The following TEX2 variants were observed in gnomAD, a reference collection of about 807,000 sequenced individuals.
TEX2 encodes testis-expressed protein 2.
TEX2 carries 53 observed loss-of-function variants against 106.9 expected under a neutral mutation model. The ratio of observed to expected loss-of-function variants is 0.50; its 90% CI spans 0.40 to 0.62. TEX2 has a LOEUF of 0.62. Among genes scored for constraint, TEX2 ranks in the 20% least tolerant of loss-of-function variants. TEX2 has a pLI of 0.00. For missense variants in TEX2, 1,207 were observed against 1,379.0 expected (o/e 0.88, Z 1.98); for synonymous variants, 523 against 534.8 (o/e 0.98, Z 0.30).
At chr17:64,254,943 C>A (rs1369988878) in intron 1 of TEX2, among the ~76,000 whole-genome samples, 4 of 151,902 alleles carry the variant, frequency 2.6e-5, no homozygotes, top group Non-Finnish European at 5.9e-5. Flanking sequence ...CTCACAGCAG[C>A]CTTGAATTCC....
rs370911583 is a variant in TEX2 at position 64,153,936 on chromosome 17, A to AAAAC, written c.2931-786_2931-783dup. Among the ~76,000 whole-genome samples the AAAAC allele has an allele frequency of 1.3e-5, 2 of 152,194 alleles. No homozygotes were observed. Among genetic ancestry groups the AAAAC allele is most frequent in the Non-Finnish European group, 2.9e-5 (2 of 68,038 alleles). ...TGACAGAGCAAGATGCTGTCTCAAG[A>AAAAC]AAACAAACAAACAAACAAAATGCTA... On this transcript the variant is annotated intron_variant, in intron 9 of 11. Transcript: ENST00000584379. This position sits in a 1 kb window ranked among gnomAD's most constrained non-coding sequence, Gnocchi z 4.1.
At chr17:64,246,033 G>A (rs1486085896) in intron 1 of TEX2, among the ~76,000 whole-genome samples, 4 of 152,172 alleles carry the variant, frequency 2.6e-5, no homozygotes, top group African/African-American at 4.8e-5. Context: ...ATGTGAGGAC[G>A]TGTGCTGCCA....
chr17:64,216,470 T>C (rs2033189698), intron 1 of TEX2, among the ~76,000 whole-genome samples: 1 of 152,168 alleles, frequency 6.6e-6, no homozygotes, highest in Non-Finnish European at 1.5e-5. Flanking sequence ...GCGGTGGCTA[T>C]AAATGAAGGT....
intron 8 of TEX2, chr17:64,155,818 G>A (rs1317354099): frequency 6.6e-6 from 1 of 152,268 alleles, no homozygotes; most frequent in Non-Finnish European, 1.5e-5. Flanking sequence ...GGACCTGGGG[G>A]CTTCTGGGCT....
intron 6 of TEX2, among the ~76,000 whole-genome samples, chr17:64,173,842 T>A (rs892676667): frequency 9.9e-5 from 15 of 151,770 alleles, no homozygotes; most frequent in African/African-American, 3.6e-4. Context: ...CCTCCAATGG[T>A]GTTTCTTTTC....
chr17:64,243,089 C>T (rs946131340), intron 1 of TEX2, among the ~76,000 whole-genome samples: 3 of 152,046 alleles, frequency 2.0e-5, no homozygotes, highest in Admixed American at 1.3e-4. Flanking sequence ...CCACCACACC[C>T]GGCTAATTTT....
chr17:64,252,974 G>A (rs1379067180), intron 1 of TEX2, among the ~76,000 whole-genome samples: 1 of 152,026 alleles, frequency 6.6e-6, no homozygotes, highest in Non-Finnish European at 1.5e-5. Flanking sequence ...AAGGTGGCCA[G>A]TGTGCCTGGA....
In TEX2 at chr17:64,195,720, C is replaced by A. The variant is rs2068162; in HGVS notation, c.1645-625G>T. Among the ~76,000 whole-genome samples, 83,626 of 152,042 alleles carry A rather than the reference C, an allele frequency of 0.55. 24,508 individuals carry two copies. The highest frequency in any genetic ancestry group is 0.83 in the East Asian group (4,286 of 5,180). On this transcript the variant is annotated intron_variant, in intron 2 of 11. Transcript: ENST00000584379. This position sits in a 1 kb window ranked among gnomAD's most constrained non-coding sequence, Gnocchi z 4.1. ...AAATGGGTAAAATTGTGCTCCAGGT[C>A]CCCCTGCCAAATTGGACATAAATGA...
intron 2 of TEX2, among the ~76,000 whole-genome samples, chr17:64,200,679 A>C (rs2032631276): frequency 6.6e-6 from 1 of 152,236 alleles, no homozygotes; most frequent in South Asian, 2.1e-4. Context: ...CTACCTACAC[A>C]GTTCAAAAGC....
At chr17:64,247,199 G>A (rs2034004718) in intron 1 of TEX2, among the ~76,000 whole-genome samples, 5 of 151,746 alleles carry the variant, frequency 3.3e-5, no homozygotes, top group Non-Finnish European at 2.9e-5. Context: ...AACCCAGGAG[G>A]TGGAGGTTGC....
At chr17:64,204,088 A>G (rs1236778824) in intron 2 of TEX2, among the ~76,000 whole-genome samples, 8 of 152,264 alleles carry the variant, frequency 5.3e-5, no homozygotes, top group African/African-American at 1.9e-4. Context: ...AAATCATATT[A>G]ACAAGGGTTA....
chr17:64,192,381 G>A (rs1025814282), intron 4 of TEX2, among the ~76,000 whole-genome samples: 2 of 152,210 alleles, frequency 1.3e-5, no homozygotes, highest in Non-Finnish European at 2.9e-5. Context: ...GCCATGTGAT[G>A]ATAGGCCAGT....
rs76787750 is a variant in TEX2, at chr17:64,218,712, C to T, written c.-25-4470G>A. Among the ~76,000 whole-genome samples, 1,224 of 152,128 alleles carry T rather than the reference C, an allele frequency of 8.0e-3. 39 individuals are homozygous for T. Among genetic ancestry groups the T allele is most frequent in the Admixed American group, 0.063 (967 of 15,274 alleles). On this transcript the variant is annotated intron_variant, in intron 1 of 11. Transcript: ENST00000584379. ...GATTACAGGTGTGAGCCACCACACC[C>T]GGCAGCCTTTCACTTTAACAGCCTC...
chr17:64,246,480 C>G (rs1555636299), intron 1 of TEX2, among the ~76,000 whole-genome samples: 1 of 152,122 alleles, frequency 6.6e-6, no homozygotes, highest in African/African-American at 2.4e-5. Context: ...CTCATGACCT[C>G]GTGATCTGCC....
chr17:64,247,363 G>A (rs1462297267), intron 1 of TEX2, among the ~76,000 whole-genome samples: 1 of 152,092 alleles, frequency 6.6e-6, no homozygotes, highest in African/African-American at 2.4e-5. Flanking sequence ...AAAATAAAAA[G>A]ATGCCCTGTG....
chr17:64,177,947 G>C (rs545972177), intron 5 of TEX2, among the ~76,000 whole-genome samples: 10 of 152,262 alleles, frequency 6.6e-5, no homozygotes, highest in African/African-American at 2.4e-4. Context: ...AAATATTCCC[G>C]GGATGCTTAA....
chr17:64,173,153 T>C (rs1338906241), intron 6 of TEX2, among the ~76,000 whole-genome samples: 3 of 152,224 alleles, frequency 2.0e-5, no homozygotes, highest in African/African-American at 7.2e-5. Flanking sequence ...CTGGAGTCTG[T>C]ACTGAATTTC....
intron 1 of TEX2, among the ~76,000 whole-genome samples, chr17:64,236,327 C>T (rs1368963579): frequency 6.6e-6 from 1 of 152,126 alleles, no homozygotes. Context: ...CTTTGGGAGG[C>T]TAAGGCAGGA....
rs1231175819 is a variant in TEX2 at position 64,185,333 on chromosome 17, A to G, written c.2424+2835T>C. 6.6e-6 allele frequency among the ~76,000 whole-genome samples: 1 copy of G among 152,192 alleles called. No homozygotes were observed. Among genetic ancestry groups the G allele is most frequent in the Non-Finnish European group, 1.5e-5 (1 of 68,020 alleles). Reference sequence around the variant, plus strand: ...CTCTCCCAGGCAGGCAATGCAGGGCACACAGAACCAGCAGCCTCCCTGGAC... The same window carrying G: ...CTCTCCCAGGCAGGCAATGCAGGGCGCACAGAACCAGCAGCCTCCCTGGAC... On this transcript the variant is annotated intron_variant, in intron 5 of 11. Transcript: ENST00000584379. This position sits in a 1 kb window ranked among gnomAD's most constrained non-coding sequence, Gnocchi z 4.0.
Sources: gnomAD v4.1 joint callset for allele counts (sites outside exome capture counted in the v4.1 genomes callset) on GRCh38, gnomAD v4.1.1 for gene constraint, Gnocchi (gnomAD v3.1) non-coding constraint, MANE v1.5 for transcripts, NCBI Gene and HGNC (gene_info 2026-07-23, HGNC 2026-07-21) for gene names.